The following TBC1D32 variants were observed in gnomAD, a reference collection of about 807,000 sequenced individuals.
The protein encoded by TBC1D32 is TBC1 domain family member 32.
A neutral mutation model predicts 170.3 loss-of-function variants in TBC1D32; 151 were observed. That is an observed-to-expected ratio of 0.89 (90% confidence interval 0.78 to 1.01). The LOEUF (loss-of-function observed/expected upper bound fraction) is 1.01, where lower values mean the gene tolerates loss of function less well. TBC1D32 is among the 50% of genes least tolerant of loss of function. The pLI, the probability that TBC1D32 is intolerant of heterozygous loss-of-function variation, is 0.00. For missense variants in TBC1D32, 1,464 were observed against 1,457.1 expected, an observed-to-expected ratio of 1.00 and a Z score of -0.08; for synonymous variants, 498 against 488.0, an observed-to-expected ratio of 1.02 and a Z score of -0.27.
In TBC1D32 at chr6:121,239,084, G is replaced by A. The variant is rs367966058; in HGVS notation, c.2350C>T (p.Arg784Ter). The A allele has an allele frequency of 2.9e-5, 46 of 1,582,974 alleles. No homozygotes were observed. The highest frequency in any genetic ancestry group is 3.1e-5 in the Non-Finnish European group (36 of 1,156,982). ...TAACTTCTTACCTTTTGACAGCTTC[G>A]GTCAATAGGATCCACTGGAGTAGTT... ...PRTTPVDPIDRSCQKSFLALV... is the reference protein window; with the variant it reads ...PRTTPVDPID The change falls in exon 20 of 32, where the codon CGA (arginine) becomes TGA (stop). Residue 784 changes from arginine to a stop codon, truncating the protein, a stop_gained. Transcript: ENST00000398212. LOFTEE classifies it high-confidence loss of function.
intron 30 of TBC1D32, among the ~76,000 whole-genome samples, chr6:121,102,443 C>T (rs1433366862): frequency 1.3e-5 from 2 of 152,134 alleles, no homozygotes; most frequent in Non-Finnish European, 2.9e-5. Context: ...CACACATCTA[C>T]AACCATCTGA....
intron 24 of TBC1D32, among the ~76,000 whole-genome samples, chr6:121,151,890 T>A (rs531016312): frequency 2.6e-4 from 39 of 152,366 alleles, no homozygotes; most frequent in African/African-American, 7.2e-4. Flanking sequence ...TGAGCCTATG[T>A]GTGTCTTTGT....
At chr6:121,288,382 CAAAT>C (rs1389163309) in intron 12 of TBC1D32, among the ~76,000 whole-genome samples, 3 of 152,162 alleles carry the variant, frequency 2.0e-5, no homozygotes, top group African/African-American at 7.2e-5. Context: ...CACCTCTACA[CAAAT>C]AAACTAGAAA....
intron 24 of TBC1D32, among the ~76,000 whole-genome samples, chr6:121,138,530 C>T (rs146794323): frequency 3.5e-4 from 54 of 152,240 alleles, no homozygotes; most frequent in African/African-American, 1.2e-3. Flanking sequence ...AGATTTACTA[C>T]AGAGGGGAAA....
chr6:121,106,063 A>G lies in TBC1D32; in HGVS notation c.3425T>C (p.Val1142Ala). ...EMLLKAELPL[V>A]FSAFHMSGFA... ...ACCAGACATGTGAAAAGCTGAAAAC[A>G]CAAGAGGCAACTCAGCCTTCAGTAG... is the stretch of plus-strand genomic sequence containing the variant. The change falls in exon 30 of 32, where the codon GTG becomes GCG. Residue 1142 changes from valine (V) to alanine (A), a missense_variant. This residue lies in a region of TBC1D32 where 1,363 missense variants were observed against 1,338.1 expected (regional missense o/e 1.02). Transcript: ENST00000398212. The G allele has an allele frequency of 1.9e-6, 3 of 1,609,020 alleles. No individual in the cohort carries two copies. Among genetic ancestry groups the G allele is most frequent in the Non-Finnish European group, 2.5e-6 (3 of 1,176,510 alleles).
At position 121,317,238 on chromosome 6, in the gene TBC1D32, TA is replaced by T. The variant is rs199832150; in HGVS notation, c.495+256del. On this transcript the variant is annotated intron_variant, in intron 3 of 31. Coordinates refer to ENST00000398212, the MANE Select transcript of TBC1D32 (RefSeq NM_152730.6). ...CTTAAGCAGATTTGGTTCAACACAT[TA>T]TTTTTTTTAATTCTAACATACATTA... 8.7e-3 allele frequency among the ~76,000 whole-genome samples: 1,330 copies of T among 152,216 alleles called. 23 individuals are homozygous for T. The highest frequency in any genetic ancestry group is 0.03 in the African/African-American group (1,256 of 41,520).
intron 15 of TBC1D32, among the ~76,000 whole-genome samples, chr6:121,261,478 C>T (rs1029176159): frequency 6.6e-5 from 10 of 152,114 alleles, no homozygotes; most frequent in African/African-American, 1.4e-4. Flanking sequence ...GGTGTGGAAG[C>T]GAACCAGATG....
At chr6:121,152,734 C>G (rs1346850983) in intron 24 of TBC1D32, among the ~76,000 whole-genome samples, 1 of 152,034 alleles carries the variant, frequency 6.6e-6, no homozygotes, top group African/African-American at 2.4e-5. Context: ...TGTCTTCATG[C>G]TTTATTTCAT....
intron 15 of TBC1D32, among the ~76,000 whole-genome samples, chr6:121,276,767 C>A (rs758536478): frequency 6.6e-6 from 1 of 152,040 alleles, no homozygotes; most frequent in Non-Finnish European, 1.5e-5. Context: ...GTATTAGTTT[C>A]AGACAAAGCA....
intron 20 of TBC1D32, among the ~76,000 whole-genome samples, chr6:121,235,772 A>C (rs1326463343): frequency 6.6e-6 from 1 of 152,186 alleles, no homozygotes. Context: ...GGATTCTGTC[A>C]TCTTTCCTAG....
Position 121,255,328 on chromosome 6 carries a change from A to G in TBC1D32, c.2018T>C (p.Ile673Thr). The G allele has an allele frequency of 6.5e-7, 1 of 1,549,106 alleles. No individual in the cohort carries two copies. The highest frequency in any genetic ancestry group is 8.8e-7 in the Non-Finnish European group (1 of 1,139,276). Residue 673 changes from isoleucine to threonine, a missense_variant and splice_region_variant, in exon 17 of 32, where the codon ATT (isoleucine) becomes ACT (threonine). Ile to Thr is a moderately conservative substitution (Grantham distance 89). This residue lies in a region of TBC1D32 where 1,363 missense variants were observed against 1,338.1 expected (regional missense o/e 1.02). Coordinates refer to ENST00000398212, the MANE Select transcript of TBC1D32 (RefSeq NM_152730.6). Reference protein sequence around the residue: ...VSSVSQESQNIMAWEDNLLDD... With the variant: ...VSSVSQESQNTMAWEDNLLDD... ...CATGACTTTCATCAATTGTACTTAC[A>G]TGTTTTGGGATTCCTGGCTTACTGA...
At chr6:121,146,885 G>T (rs908815488) in intron 24 of TBC1D32, among the ~76,000 whole-genome samples, 1 of 152,160 alleles carries the variant, frequency 6.6e-6, no homozygotes, top group Admixed American at 6.5e-5. Flanking sequence ...TTGAGCGACA[G>T]TGAGGTTTGG....
chr6:121,113,218 T>G (rs79312519), intron 27 of TBC1D32, 41 bp from the exon 28 acceptor site: 26,872 of 1,332,430 alleles, frequency 0.02, 446 homozygotes, highest in African/African-American at 0.081. Flanking sequence ...TATCAGGTCT[T>G]GCATTGAATG....
chr6:121,126,332 G>A (rs770102870), intron 26 of TBC1D32, 46 bp downstream of exon 26: 1 of 1,389,852 alleles, frequency 7.2e-7, no homozygotes, highest in South Asian at 1.2e-5. Context: ...TAATTATCTA[G>A]TTACATACTG....
At chr6:121,081,951 A>G (rs1488608790) in intron 31 of TBC1D32, among the ~76,000 whole-genome samples, 1 of 152,054 alleles carries the variant, frequency 6.6e-6, no homozygotes, top group Non-Finnish European at 1.5e-5. Flanking sequence ...CTGATCTACA[A>G]GGCTGATATT....
intron 30 of TBC1D32, among the ~76,000 whole-genome samples, chr6:121,093,375 TG>T (rs1023079300): frequency 6.6e-6 from 1 of 152,186 alleles, no homozygotes; most frequent in Non-Finnish European, 1.5e-5. Context: ...CTTAATTGCC[TG>T]TTGCCCTGCT....
intron 22 of TBC1D32, among the ~76,000 whole-genome samples, chr6:121,182,080 C>A (rs941911268): frequency 3.3e-5 from 5 of 151,882 alleles, no homozygotes; most frequent in African/African-American, 9.7e-5. Context: ...CACTGTCTAG[C>A]AATATATGAC....
intron 24 of TBC1D32, among the ~76,000 whole-genome samples, chr6:121,154,913 T>G (rs1433832916): frequency 6.6e-6 from 1 of 152,194 alleles, no homozygotes; most frequent in Admixed American, 6.5e-5. Context: ...CACCTTATAG[T>G]ATAGTTTGAA....
intron 10 of TBC1D32, among the ~76,000 whole-genome samples, chr6:121,296,642 T>A (rs575948929): frequency 1.8e-4 from 28 of 152,262 alleles, no homozygotes; most frequent in Admixed American, 1.4e-3. Flanking sequence ...TTCTGTCTTA[T>A]CCTTCTTCCA....
Sources: allele counts gnomAD v4.1 joint callset (sites outside exome capture counted in the v4.1 genomes callset), GRCh38; gene constraint gnomAD v4.1.1; regional missense constraint gnomAD v4.1.1; transcripts MANE v1.5; gene names NCBI Gene and HGNC (gene_info 2026-07-23, HGNC 2026-07-21).